CSMD1: variants seen among roughly 807,000 people sequenced by gnomAD.
The protein encoded by CSMD1 is CUB and Sushi multiple domains 1.
Under a neutral mutation model 417.5 loss-of-function variants are expected in CSMD1, and 213 were observed. The ratio of observed to expected loss-of-function variants is 0.51; its 90% CI spans 0.46 to 0.57. The LOEUF is 0.57. Among genes scored for constraint, CSMD1 ranks in the 20% least tolerant of loss-of-function variants. The pLI, the probability that CSMD1 is intolerant of heterozygous loss-of-function variation, is 0.00. For missense variants in CSMD1, 6,923 were observed against 4,529.7 expected (o/e 1.53, Z -15.17); for synonymous variants, 2,862 against 1,736.8 (o/e 1.65, Z -16.11).
At chr8:4,401,199 A>T (rs1045886182) in intron 3 of CSMD1, among the ~76,000 whole-genome samples, 9 of 152,188 alleles carry the variant, frequency 5.9e-5, no homozygotes, top group African/African-American at 2.2e-4. Context: ...AAAACTCTTC[A>T]AACGGTTTCT....
chr8:2,994,434 G>A (rs1026760377), intron 54 of CSMD1, among the ~76,000 whole-genome samples: 6 of 152,170 alleles, frequency 3.9e-5, no homozygotes, highest in African/African-American at 1.4e-4. Flanking sequence ...CGCAGGTGCT[G>A]ATGTCATGCG....
intron 3 of CSMD1, among the ~76,000 whole-genome samples, chr8:4,274,465 G>A (rs933204673): frequency 7.9e-5 from 12 of 152,136 alleles, no homozygotes; most frequent in African/African-American, 2.4e-4. Context: ...CAGCACAGTC[G>A]TAATGGCATT....
At chr8:4,018,403 G>A (rs1354024711) in intron 4 of CSMD1, among the ~76,000 whole-genome samples, 5 of 152,114 alleles carry the variant, frequency 3.3e-5, no homozygotes, top group South Asian at 4.1e-4. Context: ...TTCCTGCCTC[G>A]ATTCCTGTTC....
intron 5 of CSMD1, among the ~76,000 whole-genome samples, chr8:3,825,313 G>A (rs892092773): frequency 6.6e-6 from 1 of 152,058 alleles, no homozygotes; most frequent in African/African-American, 2.4e-5. Context: ...GTGGATCGCT[G>A]GATGTCAGGA....
At chr8:4,202,186 C>G (rs149916096) in intron 3 of CSMD1, among the ~76,000 whole-genome samples, 1 of 152,142 alleles carries the variant, frequency 6.6e-6, no homozygotes, top group East Asian at 1.9e-4. Context: ...AGTATTATTA[C>G]TCTTATAATG....
chr8:4,526,678 G>C (rs1285100157), intron 2 of CSMD1, among the ~76,000 whole-genome samples: 1 of 152,142 alleles, frequency 6.6e-6, no homozygotes, highest in East Asian at 1.9e-4. Flanking sequence ...AGAAGTATTA[G>C]AAAACCAGAA....
intron 23 of CSMD1, among the ~76,000 whole-genome samples, chr8:3,329,042 G>A (rs1806719812): frequency 6.6e-6 from 1 of 152,134 alleles, no homozygotes; most frequent in Non-Finnish European, 1.5e-5. Flanking sequence ...CCTAAATATG[G>A]AGGCTGCTGT....
At chr8:3,749,384 T>G (rs748047275) in intron 6 of CSMD1, among the ~76,000 whole-genome samples, 15 of 152,196 alleles carry the variant, frequency 9.9e-5, no homozygotes, top group Non-Finnish European at 2.1e-4. Flanking sequence ...ATTTTAAGAG[T>G]AGCAACTGTA....
rs1819177419 is a variant in CSMD1 at position 3,151,278 on chromosome 8, C to T, written c.6031+119G>A. On this transcript the variant is annotated intron_variant, in intron 40 of 69. Transcript: ENST00000635120. ...CCAAAGCTTTATTTAAATCTGTACG[C>T]CACTTTCAATTACAGATACAGTTAT... 1.7e-5 allele frequency: 11 copies of T among 644,962 alleles called. No individual in the cohort carries two copies. In the Middle Eastern group the frequency reaches 1.3e-3, roughly 79 times the overall value. The allele number at this position is 644,962 out of a possible 1,614,324, so 40.0% of individuals were successfully genotyped here. A position where few individuals can be genotyped will look rare whatever the true frequency, so the allele number is the denominator to read the frequency against.
intron 23 of CSMD1, among the ~76,000 whole-genome samples, chr8:3,311,077 A>G (rs1168041506): frequency 7.1e-6 from 1 of 140,292 alleles, no homozygotes; most frequent in Non-Finnish European, 1.6e-5. Context: ...CTTAAGCAGA[A>G]AATTAATGTA....
intron 3 of CSMD1, among the ~76,000 whole-genome samples, chr8:4,075,302 A>T (rs2554689): frequency 0.36 from 54,976 of 151,972 alleles, 10,540 homozygotes; most frequent in South Asian, 0.5. Flanking sequence ...TGTTTATGTA[A>T]ATAAAAACAT....
At chr8:4,183,722 A>G (rs1010036937) in intron 3 of CSMD1, among the ~76,000 whole-genome samples, 9 of 152,246 alleles carry the variant, frequency 5.9e-5, no homozygotes, top group African/African-American at 2.2e-4. Context: ...ATGAAAAATA[A>G]TATATCATTT....
chr8:3,492,331 T>G (rs529947873), intron 11 of CSMD1, among the ~76,000 whole-genome samples: 1 of 152,202 alleles, frequency 6.6e-6, no homozygotes, highest in Admixed American at 6.5e-5. Context: ...TGGCTCCCCA[T>G]GGGTGTCTCA....
At chr8:3,872,825 C>T (rs530129593) in intron 5 of CSMD1, among the ~76,000 whole-genome samples, 2 of 131,408 alleles carry the variant, frequency 1.5e-5, no homozygotes, top group African/African-American at 5.8e-5. Context: ...AACAAATTTA[C>T]AATAAGACAG....
intron 10 of CSMD1, among the ~76,000 whole-genome samples, chr8:3,570,389 C>G (rs572707703): frequency 5.3e-4 from 81 of 152,260 alleles, no homozygotes; most frequent in Non-Finnish European, 7.2e-4. Flanking sequence ...GGACCACAGG[C>G]ATTTGACGCA....
At chr8:4,312,465 G>GTATATATATATATATATATATATA (rs140158264) in intron 3 of CSMD1, among the ~76,000 whole-genome samples, 2 of 119,242 alleles carry the variant, frequency 1.7e-5, no homozygotes, top group Admixed American at 7.8e-5. Context: ...ATATATGCGC[G>GTATATATATATATATATATATATA]TATATATATA....
intron 5 of CSMD1, among the ~76,000 whole-genome samples, chr8:3,857,891 G>A (rs982114825): frequency 1.3e-5 from 2 of 152,238 alleles, no homozygotes; most frequent in African/African-American, 4.8e-5. Flanking sequence ...AACAGGGATT[G>A]CTTCCGTCCT....
intron 6 of CSMD1, among the ~76,000 whole-genome samples, chr8:3,736,425 T>A (rs1182486854): frequency 6.6e-6 from 1 of 150,628 alleles, no homozygotes; most frequent in African/African-American, 2.4e-5. Flanking sequence ...AAAAAAAAAA[T>A]GTAGCAATGT....
intron 3 of CSMD1, among the ~76,000 whole-genome samples, chr8:4,348,225 A>G (rs1359543701): frequency 6.6e-6 from 1 of 152,108 alleles, no homozygotes; most frequent in African/African-American, 2.4e-5. Context: ...GAAATTCACA[A>G]TGCATACTAA....
Sources: gnomAD v4.1 joint callset for allele counts (sites outside exome capture counted in the v4.1 genomes callset) on GRCh38, gnomAD v4.1.1 for gene constraint, MANE v1.5 for transcripts, NCBI Gene and HGNC (gene_info 2026-07-23, HGNC 2026-07-21) for gene names.